EYS: variants seen among roughly 807,000 people sequenced by gnomAD.
EYS encodes the protein EGF-like photoreceptor maintenance factor, also known as protein eyes shut homolog.
A neutral mutation model predicts 282.1 loss-of-function variants in EYS; 250 were observed. That is an observed-to-expected ratio of 0.89 (90% CI 0.80 to 0.98). The LOEUF (loss-of-function observed/expected upper bound fraction) is 0.98. Among genes scored for constraint, EYS ranks in the 50% least tolerant of loss-of-function variants. EYS has a pLI of 0.00. For synonymous variants in EYS, 1,355 were observed against 1,282.9 expected (o/e 1.06, Z -1.20); for missense variants, 4,016 against 3,709.0 (o/e 1.08, Z -2.15).
chr6:64,112,569 C>T (rs865868513), intron 31 of EYS, among the ~76,000 whole-genome samples: 2 of 151,744 alleles, frequency 1.3e-5, no homozygotes, highest in Middle Eastern at 3.4e-3. Context: ...ATCCTCCTAA[C>T]CACAACATTA....
intron 34 of EYS, among the ~76,000 whole-genome samples, chr6:63,993,024 C>T (rs1191441560): frequency 6.6e-6 from 1 of 151,692 alleles, no homozygotes; most frequent in Non-Finnish European, 1.5e-5. Flanking sequence ...CTCCTTCCTG[C>T]CTTACAAGGC....
chr6:64,762,519 T>A (rs1435130643), intron 22 of EYS, among the ~76,000 whole-genome samples: 5 of 152,230 alleles, frequency 3.3e-5, no homozygotes, highest in Non-Finnish European at 7.3e-5. Flanking sequence ...CTGCCTCTGT[T>A]GACAGTAAGA....
At chr6:64,827,731 C>T (rs1043328724) in intron 19 of EYS, among the ~76,000 whole-genome samples, 3 of 151,634 alleles carry the variant, frequency 2.0e-5, no homozygotes, top group African/African-American at 4.8e-5. Context: ...GTTTTGTAAA[C>T]GTTTCTTATT....
chr6:65,179,959 A>C (rs1053184466), intron 12 of EYS, among the ~76,000 whole-genome samples: 8 of 152,170 alleles, frequency 5.3e-5, no homozygotes, highest in Non-Finnish European at 1.0e-4. Context: ...CAAAAACCGT[A>C]TGATTATCTC....
At position 63,901,372 on chromosome 6, in the gene EYS, G is replaced by A. The variant is rs540940177; in HGVS notation, c.7056-37014C>T. On this transcript the variant is annotated intron_variant, in intron 35 of 42. Transcript: ENST00000503581. ...AGGATTGAAGTGAAATAAACATACT[G>A]TTCGAGATGTATAGGATAATATGAA... Among the ~76,000 whole-genome samples the A allele has an allele frequency of 7.9e-5, 12 of 152,288 alleles. No homozygotes were observed. The South Asian group carries it at 2.5e-3, about 32-fold the overall frequency.
intron 14 of EYS, among the ~76,000 whole-genome samples, chr6:64,979,868 C>T (rs1233328357): frequency 6.6e-6 from 1 of 151,352 alleles, no homozygotes; most frequent in Non-Finnish European, 1.5e-5. Flanking sequence ...TTTTAAAATT[C>T]CCACTAAGTT....
At chr6:65,450,504 A>G (rs1299175220) in intron 5 of EYS, among the ~76,000 whole-genome samples, 1 of 152,154 alleles carries the variant, frequency 6.6e-6, no homozygotes, top group Non-Finnish European at 1.5e-5. Flanking sequence ...GTGGATTTCC[A>G]TATGGTGACC....
chr6:64,167,909 GA>G (rs929588160), intron 31 of EYS, among the ~76,000 whole-genome samples: 11 of 151,902 alleles, frequency 7.2e-5, no homozygotes, highest in Admixed American at 2.0e-4. Context: ...TTTGTCATTA[GA>G]AAAAAACACA....
At chr6:65,108,600 G>A (rs1490435868) in intron 12 of EYS, among the ~76,000 whole-genome samples, 1 of 152,068 alleles carries the variant, frequency 6.6e-6, no homozygotes, top group Non-Finnish European at 1.5e-5. Flanking sequence ...TTATTACCAT[G>A]TTTGTAATAT....
chr6:64,659,267 C>T (rs1294394284), intron 22 of EYS, among the ~76,000 whole-genome samples: 4 of 151,958 alleles, frequency 2.6e-5, no homozygotes, highest in Admixed American at 6.6e-5. Context: ...GCACTAAATG[C>T]CCACAAGAGA....
chr6:65,527,525 T>C (rs9345645), intron 2 of EYS, among the ~76,000 whole-genome samples: 26,548 of 152,190 alleles, frequency 0.17, 2,922 homozygotes, highest in Middle Eastern at 0.32. Flanking sequence ...CCAGTTTCTC[T>C]TCAGGTCACC....
chr6:64,152,282 G>C (rs1774769455), intron 31 of EYS, among the ~76,000 whole-genome samples: 1 of 152,084 alleles, frequency 6.6e-6, no homozygotes, highest in South Asian at 2.1e-4. Flanking sequence ...TTATGAGGAA[G>C]AAAAAAAGTG....
intron 28 of EYS, among the ~76,000 whole-genome samples, chr6:64,391,446 C>T (rs1389012188): frequency 6.6e-6 from 1 of 152,108 alleles, no homozygotes; most frequent in Non-Finnish European, 1.5e-5. Flanking sequence ...ACCCTACAAG[C>T]CAGAAGAGAG....
At chr6:65,229,177 T>C (rs1766705165) in intron 12 of EYS, among the ~76,000 whole-genome samples, 1 of 152,064 alleles carries the variant, frequency 6.6e-6, no homozygotes. Context: ...CATTGGATAA[T>C]GCTGAAATGT....
chr6:64,030,810 A>G (rs1769785332), intron 33 of EYS, among the ~76,000 whole-genome samples: 1 of 152,208 alleles, frequency 6.6e-6, no homozygotes, highest in Non-Finnish European at 1.5e-5. Flanking sequence ...AGTTCAACTA[A>G]CAACTTCTAC....
chr6:64,586,968 C>T (rs1375026302), intron 26 of EYS, among the ~76,000 whole-genome samples: 2 of 152,170 alleles, frequency 1.3e-5, no homozygotes, highest in Non-Finnish European at 2.9e-5. Flanking sequence ...TTTTCTCTTA[C>T]ATTTTATTTC....
intron 33 of EYS, among the ~76,000 whole-genome samples, chr6:64,058,837 T>C (rs1277270366): frequency 6.6e-6 from 1 of 152,232 alleles, no homozygotes; most frequent in Non-Finnish European, 1.5e-5. Context: ...ACTCTGCCAC[T>C]GCACAAAAAT....
intron 2 of EYS, among the ~76,000 whole-genome samples, chr6:65,577,744 C>A (rs893327815): frequency 1.0e-5 from 1 of 95,348 alleles, no homozygotes; most frequent in Non-Finnish European, 2.2e-5. Context: ...TAATAAAAGC[C>A]TGTTTTAAAA....
chr6:64,246,235 T>A (rs1016941625), intron 30 of EYS, among the ~76,000 whole-genome samples: 1 of 151,740 alleles, frequency 6.6e-6, no homozygotes, highest in Non-Finnish European at 1.5e-5. Context: ...TTATCGGCTG[T>A]AAGAATTTTT....
Sources: gnomAD v4.1 joint callset for allele counts (sites outside exome capture counted in the v4.1 genomes callset) on GRCh38, gnomAD v4.1.1 for gene constraint, MANE v1.5 for transcripts, NCBI Gene and HGNC (gene_info 2026-07-23, HGNC 2026-07-21) for gene names.